Variants in CPNE8 observed in about 807,000 individuals in gnomAD.
The protein encoded by CPNE8 is copine-8.
A neutral mutation model predicts 81.5 loss-of-function variants in CPNE8; 45 were observed. That is an observed-to-expected ratio of 0.55 (90% CI 0.44 to 0.71). The LOEUF (loss-of-function observed/expected upper bound fraction) is 0.71. Ranked by LOEUF, CPNE8 falls within the 30% of genes least tolerant of loss-of-function variation. The pLI is 0.00. For missense variants in CPNE8, 594 were observed against 672.1 expected (o/e 0.88, Z 1.28); for synonymous variants, 252 against 226.3 (o/e 1.11, Z -1.02).
intron 14 of CPNE8, among the ~76,000 whole-genome samples, chr12:38,697,129 T>A (rs545569080): frequency 9.2e-5 from 14 of 152,334 alleles, no homozygotes; most frequent in African/African-American, 3.4e-4. Flanking sequence ...TCACTATAGT[T>A]AATTTCAGAA....
chr12:38,798,775 T>C (rs899920287), intron 6 of CPNE8, among the ~76,000 whole-genome samples: 3 of 152,002 alleles, frequency 2.0e-5, no homozygotes, highest in African/African-American at 4.8e-5. Flanking sequence ...AGACTCAAGA[T>C]CCATCAGTGT....
chr12:38,685,922 ATC>A (rs1412324111), intron 15 of CPNE8, among the ~76,000 whole-genome samples: 2 of 152,160 alleles, frequency 1.3e-5, no homozygotes, highest in Admixed American at 1.3e-4. Flanking sequence ...AATTAATAGT[ATC>A]TTAATTTACA....
chr12:38,690,269 C>T (rs1371204897), intron 15 of CPNE8, among the ~76,000 whole-genome samples: 1 of 152,096 alleles, frequency 6.6e-6, no homozygotes, highest in Non-Finnish European at 1.5e-5. Flanking sequence ...ATTTTCAGTA[C>T]CTACAGATAG....
chr12:38,692,209 A>G (rs1215758427), intron 15 of CPNE8, among the ~76,000 whole-genome samples: 1 of 152,062 alleles, frequency 6.6e-6, no homozygotes. Flanking sequence ...GAACTGCTTG[A>G]ACCGGGGAGG....
intron 6 of CPNE8, among the ~76,000 whole-genome samples, chr12:38,825,602 A>C (rs1283642334): frequency 6.6e-6 from 1 of 152,188 alleles, no homozygotes; most frequent in East Asian, 1.9e-4. Flanking sequence ...TAAGGGAGTA[A>C]AATGCTATTT....
At chr12:38,853,476 A>G (rs148227551) in intron 3 of CPNE8, among the ~76,000 whole-genome samples, 21 of 152,260 alleles carry the variant, frequency 1.4e-4, no homozygotes, top group African/African-American at 4.8e-4. Context: ...GCGGAAGCCA[A>G]GCACTTTTAC....
At chr12:38,780,004 CT>C (rs1472114307) in intron 6 of CPNE8, among the ~76,000 whole-genome samples, 1 of 152,056 alleles carries the variant, frequency 6.6e-6, no homozygotes, top group Non-Finnish European at 1.5e-5. Context: ...TGTCCAGGCA[CT>C]TTTCCTCTAT....
chr12:38,851,228 A>G (rs1312517856), intron 3 of CPNE8, among the ~76,000 whole-genome samples: 1 of 152,186 alleles, frequency 6.6e-6, no homozygotes, highest in African/African-American at 2.4e-5. Context: ...CATCTACATG[A>G]TAACTTCCAA....
intron 19 of CPNE8, among the ~76,000 whole-genome samples, chr12:38,667,309 T>C (rs907349799): frequency 2.0e-5 from 3 of 152,238 alleles, no homozygotes; most frequent in Non-Finnish European, 4.4e-5. Context: ...TTATCCTGCA[T>C]GTACACTTGC....
At chr12:38,751,701 A>T (rs560600208) in intron 10 of CPNE8, among the ~76,000 whole-genome samples, 13 of 152,190 alleles carry the variant, frequency 8.5e-5, no homozygotes, top group East Asian at 1.9e-4. Context: ...GAGATAAAAA[A>T]ATATATATAT....
intron 1 of CPNE8, among the ~76,000 whole-genome samples, chr12:38,892,818 G>T (rs2137146013): frequency 6.6e-6 from 1 of 151,578 alleles, no homozygotes; most frequent in African/African-American, 2.4e-5. Flanking sequence ...TACTGAAAAG[G>T]CACCGATATC....
At chr12:38,701,587 G>C (rs1408163242) in intron 14 of CPNE8, among the ~76,000 whole-genome samples, 2 of 152,020 alleles carry the variant, frequency 1.3e-5, no homozygotes, top group African/African-American at 4.8e-5. Flanking sequence ...TCTACCTCTT[G>C]GGTTCAAGTG....
At chr12:38,806,485 C>G (rs1351369140) in intron 6 of CPNE8, among the ~76,000 whole-genome samples, 2 of 150,046 alleles carry the variant, frequency 1.3e-5, no homozygotes, top group Admixed American at 6.6e-5. Flanking sequence ...CATATAAACA[C>G]AACCAAAGAC....
intron 10 of CPNE8, among the ~76,000 whole-genome samples, chr12:38,751,873 C>T (rs1158541333): frequency 6.6e-6 from 1 of 152,066 alleles, no homozygotes; most frequent in Admixed American, 6.6e-5. Flanking sequence ...CAGGCTATCT[C>T]GACTTCTGAT....
chr12:38,851,869 T>C (rs1436628014), intron 3 of CPNE8, among the ~76,000 whole-genome samples: 4 of 152,192 alleles, frequency 2.6e-5, no homozygotes, highest in African/African-American at 9.7e-5. Flanking sequence ...TTCTCTTTGC[T>C]CCAGCCTCCT....
intron 10 of CPNE8, among the ~76,000 whole-genome samples, chr12:38,742,829 G>A (rs1391033586): frequency 2.0e-5 from 3 of 151,872 alleles, no homozygotes; most frequent in African/African-American, 7.2e-5. Context: ...TAACAAGTTT[G>A]TGTCTCTGTC....
At chr12:38,662,450 A>C (rs1185373025) in intron 19 of CPNE8, among the ~76,000 whole-genome samples, 3 of 152,166 alleles carry the variant, frequency 2.0e-5, no homozygotes, top group Non-Finnish European at 4.4e-5. Flanking sequence ...GAGGTGAAAG[A>C]TCTCTACAAT....
intron 10 of CPNE8, among the ~76,000 whole-genome samples, chr12:38,740,623 C>T (rs994197658): frequency 1.3e-4 from 20 of 152,106 alleles, no homozygotes; most frequent in African/African-American, 1.9e-4. Flanking sequence ...TTGTCAAAGG[C>T]CTTTTCTGCA....
chr12:38,680,830 AT>A (rs1157589229), intron 16 of CPNE8, among the ~76,000 whole-genome samples: 1 of 152,048 alleles, frequency 6.6e-6, no homozygotes, highest in African/African-American at 2.4e-5. Flanking sequence ...AGTTATAAGA[AT>A]TCCAAAATAA....
Sources: gnomAD v4.1 joint callset for allele counts (sites outside exome capture counted in the v4.1 genomes callset) on GRCh38, gnomAD v4.1.1 for gene constraint, MANE v1.5 for transcripts, NCBI Gene and HGNC (gene_info 2026-07-23, HGNC 2026-07-21) for gene names.